The following GCSAML variants were observed in gnomAD, a reference collection of about 807,000 sequenced individuals.
GCSAML encodes germinal center associated signaling and motility like.
In GCSAML, 9 loss-of-function variants were observed where a neutral mutation model predicts 13.0. The ratio of observed to expected loss-of-function variants is 0.69; its 90% confidence interval spans 0.42 to 1.21. GCSAML has a LOEUF of 1.21. Ranked by LOEUF, GCSAML falls within the 50% of genes most tolerant of loss-of-function variation. The probability of loss-of-function intolerance (pLI) is 0.00; values close to 1 mark genes in which losing one functional copy is unlikely to be tolerated. For missense variants in GCSAML, 143 were observed against 153.4 expected (o/e 0.93, Z 0.36); for synonymous variants, 37 against 52.9 (o/e 0.70, Z 1.31).
rs1008935266 is a variant in GCSAML, at chr1:247,521,721, A to G, written c.-262-5219A>G. Among the ~76,000 whole-genome samples, 43 of 152,218 alleles carry G rather than the reference A, an allele frequency of 2.8e-4. No homozygotes were observed. In the East Asian group the frequency reaches 5.8e-3, roughly 21 times the overall value. On this transcript the variant is annotated intron_variant, in intron 1 of 5. Coordinates refer to the GCSAML transcript ENST00000366489. Reference sequence around the variant, plus strand: ...GGCTGGAGCGCAGTGGCATGATCTCAGCTCGCTACAACCTCCACCTCCCAG... The same window carrying G: ...GGCTGGAGCGCAGTGGCATGATCTCGGCTCGCTACAACCTCCACCTCCCAG...
chr1:247,518,593 G>C (rs1666303154), intron 1 of GCSAML: 1 of 152,392 alleles, frequency 6.6e-6, no homozygotes, highest in Non-Finnish European at 1.5e-5. Flanking sequence ...GCCGCTGGAC[G>C]CGGGAGGACA....
At chr1:247,515,808 C>T (rs1407048316) in intron 1 of GCSAML, among the ~76,000 whole-genome samples, 1 of 152,104 alleles carries the variant, frequency 6.6e-6, no homozygotes, top group African/African-American at 2.4e-5. Context: ...CCCACTAGGC[C>T]CCTCCTCCAA....
intron 1 of GCSAML, among the ~76,000 whole-genome samples, chr1:247,522,181 C>T (rs1309078775): frequency 8.6e-5 from 13 of 151,726 alleles, no homozygotes; most frequent in South Asian, 2.1e-4. Flanking sequence ...CGTCTCCGCC[C>T]GGCAGCCGCC....
intron 4 of GCSAML, among the ~76,000 whole-genome samples, chr1:247,569,375 G>A (rs1217494074): frequency 6.6e-6 from 1 of 152,108 alleles, no homozygotes; most frequent in African/African-American, 2.4e-5. Flanking sequence ...TTTGAGATAG[G>A]TTTGATCAGT....
At position 247,543,656 on chromosome 1, in the gene GCSAML, C is replaced by T. The variant is rs187776571; in HGVS notation, c.-147-5389C>T. 8.0e-4 allele frequency among the ~76,000 whole-genome samples: 122 copies of T among 152,212 alleles called. 1 individual carries two copies. The highest frequency in any genetic ancestry group is 2.9e-3 in the African/African-American group (119 of 41,530). The stretch of plus-strand genomic sequence containing the variant: ...TGGAGTTACTCCAGAAACAAATACC[C>T]AAACTAAGATTACTAAATTATATAT... On this transcript the variant is annotated intron_variant, in intron 2 of 5. Coordinates refer to the GCSAML transcript ENST00000366489.
chr1:247,550,465 G>A (rs1667731059), intron 1 of GCSAML, among the ~76,000 whole-genome samples: 3 of 152,002 alleles, frequency 2.0e-5, no homozygotes, highest in Admixed American at 6.6e-5. Context: ...GTGAAACTCC[G>A]TCTCTACTAA....
intron 1 of GCSAML, among the ~76,000 whole-genome samples, chr1:247,509,704 T>C (rs762400552): frequency 3.3e-5 from 5 of 152,126 alleles, no homozygotes; most frequent in Non-Finnish European, 5.9e-5. Flanking sequence ...GAGAGTTTTT[T>C]GCATAAAGGG....
At chr1:247,548,949 AGTGT>A, upstream of GCSAML, 3 of 837,478 alleles carry the variant, frequency 3.6e-6, no homozygotes, top group Non-Finnish European at 5.4e-6. This position sits in a 1 kb window ranked among gnomAD's most constrained non-coding sequence, Gnocchi z 5.3. Flanking sequence ...TGTGTGTATG[AGTGT>A]GTGTGTGTGC....
At chr1:247,510,114 T>C (rs1346928115) in intron 1 of GCSAML, among the ~76,000 whole-genome samples, 2 of 152,216 alleles carry the variant, frequency 1.3e-5, no homozygotes, top group Non-Finnish European at 2.9e-5. Flanking sequence ...AGAATTCAGC[T>C]GTGAATCCAT....
chr1:247,541,140 A>C (rs569665838), intron 2 of GCSAML, among the ~76,000 whole-genome samples: 1 of 152,234 alleles, frequency 6.6e-6, no homozygotes, highest in East Asian at 1.9e-4. Context: ...ATGCTGGTTT[A>C]AATTATAAAT....
intron 1 of GCSAML, chr1:247,519,101 G>A (rs1666328564): frequency 6.6e-6 from 1 of 151,276 alleles, no homozygotes. Context: ...ACAAAAAGCG[G>A]CAGGGATGTG....
intron 2 of GCSAML, chr1:247,532,370 G>C: frequency 6.2e-7 from 1 of 1,614,142 alleles, no homozygotes; most frequent in South Asian, 1.1e-5. Flanking sequence ...TGGGAGACCA[G>C]AATGATGATG....
upstream of GCSAML, among the ~76,000 whole-genome samples, chr1:247,544,222 C>T (rs1667497324): frequency 6.6e-6 from 1 of 152,192 alleles, no homozygotes; most frequent in African/African-American, 2.4e-5. Flanking sequence ...GGCCACAGAT[C>T]TGTAGACAGC....
intron 2 of GCSAML, among the ~76,000 whole-genome samples, chr1:247,537,668 C>CT (rs925809774): frequency 1.9e-4 from 29 of 150,358 alleles, no homozygotes; most frequent in Admixed American, 2.0e-4. Flanking sequence ...TTTTTACAAT[C>CT]TTTTTTTTTT....
upstream of GCSAML, among the ~76,000 whole-genome samples, chr1:247,544,694 A>C (rs1457562288): frequency 6.6e-6 from 1 of 152,124 alleles, no homozygotes; most frequent in Non-Finnish European, 1.5e-5. Flanking sequence ...ACCAAAAAAA[A>C]CAAAAACAAT....
At chr1:247,572,481 G>A (rs1572382691) in intron 4 of GCSAML, among the ~76,000 whole-genome samples, 3 of 152,164 alleles carry the variant, frequency 2.0e-5, no homozygotes, top group Admixed American at 2.0e-4. Flanking sequence ...GTCTGCTGGA[G>A]TTTGCTGGGG....
intron 4 of GCSAML, among the ~76,000 whole-genome samples, chr1:247,567,802 A>C (rs1222880449): frequency 1.3e-5 from 2 of 152,178 alleles, no homozygotes; most frequent in Admixed American, 6.5e-5. Flanking sequence ...CAACAGTGTA[A>C]AAGCGTTCCT....
In GCSAML at chr1:247,557,519, G is replaced by A. The variant is rs1187876754; in HGVS notation, c.89+1053G>A. Among the ~76,000 whole-genome samples, 6 of 152,126 alleles carry A rather than the reference G, an allele frequency of 3.9e-5. No individual in the cohort carries two copies. The East Asian group carries it at 1.2e-3, about 29-fold the overall frequency. The stretch of plus-strand genomic sequence containing the variant: ...ATTTCATCTCAATGTCTTGGTTTCT[G>A]TCTCTGAGATGGCTTCTTCTTCTTT... On this transcript the variant is annotated intron_variant, in intron 2 of 4. Coordinates refer to ENST00000366488, the MANE Select transcript of GCSAML (RefSeq NM_145278.5).
At chr1:247,511,865 CAG>C (rs1666050082) in intron 1 of GCSAML, among the ~76,000 whole-genome samples, 1 of 152,192 alleles carries the variant, frequency 6.6e-6, no homozygotes, top group Non-Finnish European at 1.5e-5. Context: ...AGGGTTTCTG[CAG>C]AGAGGTCCGC....
Sources: allele counts gnomAD v4.1 joint callset (sites outside exome capture counted in the v4.1 genomes callset), GRCh38; gene constraint gnomAD v4.1.1; non-coding constraint Gnocchi (gnomAD v3.1); transcripts MANE v1.5; gene names NCBI Gene and HGNC (gene_info 2026-07-23, HGNC 2026-07-21).